The following SMARCD3 variants were observed in gnomAD, a reference collection of about 807,000 sequenced individuals.
The protein encoded by SMARCD3 is SWI/SNF-related matrix-associated actin-dependent regulator of chromatin subfamily D member 3.
SMARCD3 carries 14 observed loss-of-function variants against 58.0 expected under a neutral mutation model. That is an observed-to-expected ratio of 0.24 (90% confidence interval 0.16 to 0.38). SMARCD3 has a LOEUF of 0.38. Ranked by LOEUF, SMARCD3 falls within the 10% of genes least tolerant of loss-of-function variation. The pLI, the probability that SMARCD3 is intolerant of heterozygous loss-of-function variation, is 1.00. For synonymous variants in SMARCD3, 253 were observed against 253.8 expected (o/e 1.00, Z 0.03); for missense variants, 408 against 636.9 (o/e 0.64, Z 3.87).
chr7:151,250,465 G>C (rs1038285683), upstream of SMARCD3, among the ~76,000 whole-genome samples: 1 of 151,732 alleles, frequency 6.6e-6, no homozygotes. Context: ...CTAACCTCCA[G>C]AATCCCCGCT....
chr7:151,242,297 C>T lies in SMARCD3; in HGVS notation c.580-65G>A, dbSNP rs1406541154. 2.7e-6 allele frequency: 4 copies of T among 1,470,820 alleles called. No individual in the cohort carries two copies. The highest frequency in any genetic ancestry group is 1.4e-5 in the African/African-American group (1 of 72,098). 91.1% of individuals were successfully genotyped at this position (1,470,820 alleles called of 1,614,324 possible). A position where few individuals can be genotyped will look rare whatever the true frequency, so the allele number is the denominator to read the frequency against. ...ACGAGGTGGGAGGAGCAGAAGGAGG[C>T]CAAGTTGGCAGCCGACAGGGCAGTG... is the stretch of plus-strand genomic sequence containing the variant. On this transcript the variant is annotated intron_variant, in intron 5 of 12. Coordinates refer to ENST00000262188, the MANE Select transcript of SMARCD3 (RefSeq NM_001003801.2). This position sits in a 1 kb window ranked among gnomAD's most constrained non-coding sequence, Gnocchi z 4.7.
At chr7:151,253,645 C>A (rs143324648), upstream of SMARCD3, among the ~76,000 whole-genome samples, 1 of 152,128 alleles carries the variant, frequency 6.6e-6, no homozygotes, top group African/African-American at 2.4e-5. Flanking sequence ...ATTTTGGATT[C>A]ACAGCAGGTT....
chr7:151,261,572 GC>G (rs1803918475), intron 2 of SMARCD3, among the ~76,000 whole-genome samples: 1 of 152,220 alleles, frequency 6.6e-6, no homozygotes. Flanking sequence ...TCAGCACAGT[GC>G]CTGGCACAGG....
chr7:151,244,902 T>C (rs1803180681), intron 2 of SMARCD3, among the ~76,000 whole-genome samples: 1 of 152,032 alleles, frequency 6.6e-6, no homozygotes, highest in South Asian at 2.1e-4. Context: ...CCCTGGTGGC[T>C]TGAGAGCAGA....
intron 2 of SMARCD3, among the ~76,000 whole-genome samples, chr7:151,260,672 C>A (rs747467136): frequency 6.6e-6 from 1 of 152,152 alleles, no homozygotes; most frequent in African/African-American, 2.4e-5. Context: ...CATGTCGTTA[C>A]CCCGACATAG....
chr7:151,255,253 A>G (rs1244873045), intron 2 of SMARCD3, among the ~76,000 whole-genome samples: 3 of 151,792 alleles, frequency 2.0e-5, no homozygotes, highest in Non-Finnish European at 4.4e-5. Flanking sequence ...AAACCCTCCT[A>G]CTGTGTTGTC....
At chr7:151,275,912 G>A (rs1425938074) in intron 1 of SMARCD3, among the ~76,000 whole-genome samples, 5 of 152,146 alleles carry the variant, frequency 3.3e-5, no homozygotes, top group African/African-American at 1.2e-4. Context: ...GGGTGTGGGT[G>A]ACAGAGGTGG....
chr7:151,243,181 C>T lies in SMARCD3; in HGVS notation c.334-338G>A, dbSNP rs1803084138. 6.6e-6 allele frequency among the ~76,000 whole-genome samples: 1 copy of T among 152,196 alleles called. No homozygotes were observed. The highest frequency in any genetic ancestry group is 2.4e-5 in the African/African-American group (1 of 41,450). ...ATATCATATGCCTGCTGGGCTTCCC[C>T]TGGGCCCCTGCAAAGTGCCTAGTAG... On this transcript the variant is annotated intron_variant, in intron 3 of 12. Coordinates refer to ENST00000262188, the MANE Select transcript of SMARCD3 (RefSeq NM_001003801.2). The surrounding 1 kb of genome is among the most constrained non-coding windows in gnomAD (Gnocchi z 4.4).
intron 2 of SMARCD3, chr7:151,275,027 T>C (rs1014841598): frequency 1.6e-5 from 17 of 1,063,954 alleles, no homozygotes; most frequent in Admixed American, 7.9e-5. Context: ...GGGGGCCATG[T>C]GGTGGGAGCA....
chr7:151,252,188 C>A (rs1278167211), upstream of SMARCD3, among the ~76,000 whole-genome samples: 1 of 151,912 alleles, frequency 6.6e-6, no homozygotes, highest in African/African-American at 2.4e-5. Context: ...GCTCGGGGGG[C>A]GCGGCAGGAG....
chr7:151,248,792 G>A (rs1395887856), upstream of SMARCD3: 6 of 653,724 alleles, frequency 9.2e-6, no homozygotes, highest in Admixed American at 5.7e-5. This position sits in a 1 kb window ranked among gnomAD's most constrained non-coding sequence, Gnocchi z 6.1. Flanking sequence ...CCGCATTCCT[G>A]CACTGATAAG....
intron 2 of SMARCD3, among the ~76,000 whole-genome samples, chr7:151,274,098 C>T (rs1331261164): frequency 6.6e-6 from 1 of 152,276 alleles, no homozygotes; most frequent in Non-Finnish European, 1.5e-5. Flanking sequence ...CTCCTCAGTG[C>T]TCTGAGGCCT....
At position 151,242,676 on chromosome 7, in the gene SMARCD3, G is replaced by C; in HGVS notation, c.456+45C>G. On this transcript the variant is annotated intron_variant, in intron 4 of 12. Coordinates refer to ENST00000262188, the MANE Select transcript of SMARCD3 (RefSeq NM_001003801.2). This position sits in a 1 kb window ranked among gnomAD's most constrained non-coding sequence, Gnocchi z 4.7. ...CCGACCACCCTGCTTCCCCATCCTG[G>C]TCACACAACTCTAGAGTCCCCTTCC... The C allele has an allele frequency of 6.2e-7, 1 of 1,613,350 alleles. No individual in the cohort carries two copies. Among genetic ancestry groups the C allele is most frequent in the Non-Finnish European group, 8.5e-7 (1 of 1,179,428 alleles).
chr7:151,276,444 G>A (rs1166852319), intron 1 of SMARCD3, among the ~76,000 whole-genome samples: 1 of 142,440 alleles, frequency 7.0e-6, no homozygotes, highest in Non-Finnish European at 1.5e-5. Flanking sequence ...GGAGGGGAAG[G>A]TGCCAGGCAG....
chr7:151,267,717 C>T (rs1233633446), intron 2 of SMARCD3, among the ~76,000 whole-genome samples: 6 of 152,226 alleles, frequency 3.9e-5, no homozygotes, highest in Non-Finnish European at 8.8e-5. Flanking sequence ...TGGCCCAAGC[C>T]TGTAATTCCA....
intron 2 of SMARCD3, among the ~76,000 whole-genome samples, chr7:151,265,185 C>T (rs1804043446): frequency 1.3e-5 from 2 of 152,150 alleles, no homozygotes; most frequent in South Asian, 4.1e-4. Flanking sequence ...GAGAGAGGGT[C>T]CTCAAACAGG....
At position 151,240,122 on chromosome 7, in the gene SMARCD3, A is replaced by G; in HGVS notation, c.1163T>C (p.Leu388Pro). 1 of 1,613,938 alleles carries G rather than the reference A, an allele frequency of 6.2e-7. No individual in the cohort carries two copies. Among genetic ancestry groups the G allele is most frequent in the Non-Finnish European group, 8.5e-7 (1 of 1,180,006 alleles). The change falls in exon 10 of 13, where the codon CTG (leucine) becomes CCG (proline). Residue 388 changes from leucine to proline, a missense_variant. Leu to Pro is a moderately conservative substitution (Grantham distance 98). Coordinates refer to ENST00000262188, the MANE Select transcript of SMARCD3 (RefSeq NM_001003801.2). ...STANQQEISA[L>P]DSKIHETIES... ...GGGCTTGGGCCCCACCTTACTGTCC[A>G]GAGCACTGATCTCCTGCTGGTTGGC...
At chr7:151,275,544 C>A (rs903650578) in intron 1 of SMARCD3, among the ~76,000 whole-genome samples, 5 of 152,266 alleles carry the variant, frequency 3.3e-5, no homozygotes, top group African/African-American at 1.2e-4. Flanking sequence ...CAAGCCCTGA[C>A]TGGAGAGGCC....
In SMARCD3 at chr7:151,246,791, C is replaced by A. The variant is rs936026448; in HGVS notation, c.79-1120G>T. Among the ~76,000 whole-genome samples, 1 of 152,104 alleles carries A rather than the reference C, an allele frequency of 6.6e-6. No homozygotes were observed. Among genetic ancestry groups the A allele is most frequent in the Admixed American group, 6.5e-5 (1 of 15,276 alleles). On this transcript the variant is annotated intron_variant, in intron 1 of 12. Transcript: ENST00000262188. This position sits in a 1 kb window ranked among gnomAD's most constrained non-coding sequence, Gnocchi z 4.4. ...GACTCCAGAAGGGAGATGGGGAGGG[C>A]CAGAGAGAGTTTCAGGGGCTGTGAA...
Sources: gnomAD v4.1 joint callset for allele counts (sites outside exome capture counted in the v4.1 genomes callset) on GRCh38, gnomAD v4.1.1 for gene constraint, Gnocchi (gnomAD v3.1) non-coding constraint, MANE v1.5 for transcripts, NCBI Gene and HGNC (gene_info 2026-07-23, HGNC 2026-07-21) for gene names.